Variants in SPTBN4 observed in about 807,000 individuals in gnomAD.
SPTBN4 encodes the protein spectrin beta chain, non-erythrocytic 4.
A neutral mutation model predicts 277.8 loss-of-function variants in SPTBN4; 96 were observed. The observed-to-expected ratio is 0.35, with a 90% CI of 0.29 to 0.41. The LOEUF is 0.41. SPTBN4 is among the 10% of genes least tolerant of loss of function. The pLI is 1.00. For synonymous variants in SPTBN4, 1,481 were observed against 1,580.3 expected (o/e 0.94, Z 1.49); for missense variants, 3,006 against 3,595.7 (o/e 0.84, Z 4.19).
At position 40,576,325 on chromosome 19, in the gene SPTBN4, A is replaced by G. The variant is rs956645690; in HGVS notation, c.*756A>G. On this transcript the variant is annotated 3_prime_UTR_variant, in exon 36 of 36. Transcript: ENST00000598249. Reference sequence around the variant, plus strand: ...ACCCCTGCATGCTTCTGGCTGGAGCACCTCCCTGGGGAGTCGGGGGATTGG... The same window carrying G: ...ACCCCTGCATGCTTCTGGCTGGAGCGCCTCCCTGGGGAGTCGGGGGATTGG... 1 of 152,044 alleles carries G rather than the reference A, an allele frequency of 6.6e-6. No individual in the cohort carries two copies. Among genetic ancestry groups the G allele is most frequent in the African/African-American group, 2.4e-5 (1 of 41,166 alleles). 9.4% of individuals were successfully genotyped at this position (152,044 alleles called of 1,614,324 possible).
rs2080418430 is a variant in SPTBN4, at chr19:40,513,435, T to C, written c.2646T>C (p.Ala882=). The C allele has an allele frequency of 6.2e-7, 1 of 1,604,562 alleles. No homozygotes were observed. Among genetic ancestry groups the C allele is most frequent in the East Asian group, 2.2e-5 (1 of 44,792 alleles). ...LRRQWLRDAL[A]VYRMFGEVHA... The stretch of plus-strand genomic sequence containing the variant: ...GCCAGTGGCTGCGGGACGCGCTCGC[T>C]GTCTACCGCATGTTTGGCGAGGTGC... Residue 882 remains alanine, a synonymous_variant, in exon 14 of 36, where the codon GCT becomes GCC. Transcript: ENST00000598249.
chr19:40,496,948 C>G (rs904509210), intron 6 of SPTBN4, among the ~76,000 whole-genome samples: 9 of 151,990 alleles, frequency 5.9e-5, no homozygotes, highest in Middle Eastern at 3.4e-3. Flanking sequence ...TGGTGCACAC[C>G]TGCAATCCCA....
In SPTBN4 at chr19:40,502,647, T is replaced by C. The variant is rs1057435033; in HGVS notation, c.1204-128T>C. The stretch of plus-strand genomic sequence containing the variant: ...ACAGTTTTTCAGTAGTAAAGTGTCA[T>C]AAGGAAGCAATATTTTTTCCAATTT... On this transcript the variant is annotated intron_variant, in intron 10 of 35. Transcript: ENST00000598249. The surrounding 1 kb of genome is among the most constrained non-coding windows in gnomAD (Gnocchi z 4.9). The C allele has an allele frequency of 1.4e-6, 2 of 1,469,348 alleles. No homozygotes were observed. Among genetic ancestry groups the C allele is most frequent in the East Asian group, 2.3e-5 (1 of 43,904 alleles). The allele number at this position is 1,469,348 out of a possible 1,614,324, so 91.0% of individuals were successfully genotyped here.
intron 22 of SPTBN4, among the ~76,000 whole-genome samples, chr19:40,553,283 C>A (rs748383671): frequency 5.3e-5 from 8 of 152,046 alleles, no homozygotes; most frequent in African/African-American, 1.9e-4. Context: ...ACTTCAAGAC[C>A]AGCCTGAGTA....
chr19:40,566,390 C>T (rs2081092676), intron 30 of SPTBN4, 31 bp downstream of exon 30: 1 of 1,473,448 alleles, frequency 6.8e-7, no homozygotes, highest in Non-Finnish European at 9.0e-7. Flanking sequence ...CCCATTACCC[C>T]CACCCCCACC....
intron 20 of SPTBN4, 54 bp from the exon 21 acceptor site, chr19:40,549,135 C>A: frequency 1.4e-6 from 2 of 1,442,546 alleles, no homozygotes; most frequent in Non-Finnish European, 1.9e-6. Flanking sequence ...TGGAGAGCCA[C>A]AGCAGGATCA....
chr19:40,494,581 A>G (rs930661731), intron 5 of SPTBN4, among the ~76,000 whole-genome samples: 1 of 151,824 alleles, frequency 6.6e-6, no homozygotes, highest in Non-Finnish European at 1.5e-5. Flanking sequence ...ATCAATCTAT[A>G]TATATATCAT....
intron 35 of SPTBN4, among the ~76,000 whole-genome samples, chr19:40,574,075 C>T (rs552456259): frequency 7.9e-5 from 12 of 152,192 alleles, no homozygotes; most frequent in African/African-American, 2.4e-4. Flanking sequence ...GCACTCCAGC[C>T]TGAGCGACAG....
At position 40,512,569 on chromosome 19, in the gene SPTBN4, G is replaced by A. The variant is rs764702383; in HGVS notation, c.1817-37G>A. 1.0e-5 allele frequency: 15 copies of A among 1,490,802 alleles called. No homozygotes were observed. The South Asian group carries it at 1.9e-4, about 19-fold the overall frequency. 92.3% of individuals were successfully genotyped at this position (1,490,802 alleles called of 1,614,324 possible). A position where few individuals can be genotyped will look rare whatever the true frequency, so the allele number is the denominator to read the frequency against. On this transcript the variant is annotated intron_variant, in intron 13 of 35. Transcript: ENST00000598249. ...TCCTCTCTTGGGCGCCCCTTGGCTT[G>A]TGACCAATCCTGGATGCTCCCCTTC...
chr19:40,530,716 C>A (rs1599771161), intron 18 of SPTBN4: 1 of 332,014 alleles, frequency 3.0e-6, no homozygotes, highest in Non-Finnish European at 4.3e-6. Flanking sequence ...CGGGGGCGGG[C>A]CGGGCAGGCG....
chr19:40,564,896 T>A (rs1053718454), intron 27 of SPTBN4, among the ~76,000 whole-genome samples: 2 of 151,800 alleles, frequency 1.3e-5, no homozygotes, highest in African/African-American at 4.8e-5. Context: ...CACCAAAGTG[T>A]GAAATTTTAG....
chr19:40,503,471 T>C (rs2080286336), intron 11 of SPTBN4, among the ~76,000 whole-genome samples: 1 of 150,276 alleles, frequency 6.7e-6, no homozygotes, highest in African/African-American at 2.5e-5. Context: ...AGGGTGGGTC[T>C]GGTCTCCAGG....
In SPTBN4 at chr19:40,481,538, C is replaced by T. The variant is rs1427908478; in HGVS notation, c.170-6159C>T. On this transcript the variant is annotated intron_variant, in intron 2 of 35. Transcript: ENST00000598249. ...TCGCCCAGGCTGGAGTGCAGTGGCG[C>T]GATCTCTGCTCACTGCAACCCCCGC... Among the ~76,000 whole-genome samples, 6 of 152,142 alleles carry T rather than the reference C, an allele frequency of 3.9e-5. No homozygotes were observed. The South Asian group carries it at 8.3e-4, about 21-fold the overall frequency.
At chr19:40,561,038 G>C (rs1156444890) in intron 27 of SPTBN4, among the ~76,000 whole-genome samples, 1 of 152,154 alleles carries the variant, frequency 6.6e-6, no homozygotes, top group Admixed American at 6.5e-5. Context: ...TCTTGAGATG[G>C]AGTCTTGCTC....
At chr19:40,477,632 C>G (rs2079963719) in intron 2 of SPTBN4, among the ~76,000 whole-genome samples, 1 of 152,140 alleles carries the variant, frequency 6.6e-6, no homozygotes, top group Admixed American at 6.6e-5. Flanking sequence ...CTTGATCCAG[C>G]CTGGAGAATC....
At chr19:40,569,426 CA>C (rs58192016) in intron 31 of SPTBN4, among the ~76,000 whole-genome samples, 55,365 of 120,510 alleles carry the variant, frequency 0.46, 11,526 homozygotes, top group African/African-American at 0.5. Flanking sequence ...GACTCCGTCT[CA>C]AAAAAAAAAA....
chr19:40,486,074 G>C (rs1000578786), intron 2 of SPTBN4, among the ~76,000 whole-genome samples: 1 of 151,572 alleles, frequency 6.6e-6, no homozygotes, highest in African/African-American at 2.4e-5. Context: ...TGGATTCCTT[G>C]AGCCCAGGAG....
chr19:40,514,282 C>T (rs1291722694), intron 14 of SPTBN4, among the ~76,000 whole-genome samples: 1 of 152,222 alleles, frequency 6.6e-6, no homozygotes, highest in East Asian at 1.9e-4. Flanking sequence ...ACTGTGCCTG[C>T]AGTTGCCCAG....
chr19:40,575,290 T>G (rs749318494), intron 35 of SPTBN4, 121 bp from the exon 36 acceptor site: 37 of 1,182,886 alleles, frequency 3.1e-5, no homozygotes, highest in Non-Finnish European at 4.2e-5. Flanking sequence ...ATCATCATCA[T>G]CATCCCTTTT....
Sources: allele counts gnomAD v4.1 joint callset (sites outside exome capture counted in the v4.1 genomes callset), GRCh38; gene constraint gnomAD v4.1.1; non-coding constraint Gnocchi (gnomAD v3.1); transcripts MANE v1.5; gene names NCBI Gene and HGNC (gene_info 2026-07-23, HGNC 2026-07-21).